Variants in PELI2 observed in about 807,000 individuals in gnomAD.
PELI2 encodes the protein E3 ubiquitin-protein ligase pellino homolog 2.
PELI2 carries 23 observed loss-of-function variants against 42.3 expected under a neutral mutation model. The ratio of observed to expected loss-of-function variants is 0.54; its 90% confidence interval spans 0.39 to 0.77. The LOEUF (loss-of-function observed/expected upper bound fraction) is 0.77. PELI2 is among the 30% of genes least tolerant of loss of function. PELI2 has a pLI of 0.00. For synonymous variants in PELI2, 245 were observed against 212.2 expected, an observed-to-expected ratio of 1.15 and a Z score of -1.34; for missense variants, 463 against 553.2, an observed-to-expected ratio of 0.84 and a Z score of 1.64.
At chr14:56,261,052 A>G (rs1412084081) in intron 2 of PELI2, among the ~76,000 whole-genome samples, 1 of 149,828 alleles carries the variant, frequency 6.7e-6, no homozygotes, top group Non-Finnish European at 1.5e-5. Context: ...TTTTTTTCTT[A>G]AATGTTCTGG....
rs80080930 is a variant in PELI2, at chr14:56,217,205, G to A, written c.207+38741G>A. On this transcript the variant is annotated intron_variant, in intron 2 of 5. Transcript: ENST00000267460. Reference sequence around the variant, plus strand: ...CTCCCCTTTTCATAGAGGAGGAAACGGAAACTGAGGCCAAGGTAGGGTAAG... The same window carrying A: ...CTCCCCTTTTCATAGAGGAGGAAACAGAAACTGAGGCCAAGGTAGGGTAAG... Among the ~76,000 whole-genome samples the A allele has an allele frequency of 3.9e-3, 598 of 152,266 alleles. 4 individuals are homozygous for A. Among genetic ancestry groups the A allele is most frequent in the African/African-American group, 0.014 (562 of 41,548 alleles).
intron 2 of PELI2, among the ~76,000 whole-genome samples, chr14:56,276,944 T>C (rs893706143): frequency 1.3e-5 from 2 of 152,234 alleles, no homozygotes; most frequent in Non-Finnish European, 2.9e-5. Context: ...TCCCCTTTGC[T>C]GTGGGCAGTT....
chr14:56,245,893 C>A (rs1215578719), intron 2 of PELI2, among the ~76,000 whole-genome samples: 2 of 152,104 alleles, frequency 1.3e-5, no homozygotes, highest in South Asian at 4.1e-4. Flanking sequence ...TGTATTAATA[C>A]ATATATTATA....
intron 1 of PELI2, among the ~76,000 whole-genome samples, chr14:56,166,828 C>T (rs558271292): frequency 1.2e-4 from 19 of 152,082 alleles, no homozygotes; most frequent in Middle Eastern, 3.4e-3. Flanking sequence ...CGCTCTGTCT[C>T]CCAGGATGGA....
At position 56,197,916 on chromosome 14, in the gene PELI2, GACACACACAC is replaced by G. The variant is rs55861626; in HGVS notation, c.207+19475_207+19484del. On this transcript the variant is annotated intron_variant, in intron 2 of 5. Coordinates refer to ENST00000267460, the MANE Select transcript of PELI2 (RefSeq NM_021255.3). The surrounding 1 kb of genome is among the most constrained non-coding windows in gnomAD (Gnocchi z 4.9). ...CACACCAGGAATGGTGACTGGTGAA[GACACACACAC>G]ACACACACACACACACACACACCAG... 7.1e-4 allele frequency among the ~76,000 whole-genome samples: 98 copies of G among 138,254 alleles called. No individual in the cohort carries two copies. Among genetic ancestry groups the G allele is most frequent in the East Asian group, 5.7e-3 (26 of 4,564 alleles). The allele number at this position is 138,254 out of a possible 152,430, so 90.7% of individuals were successfully genotyped here.
chr14:56,151,168 A>G (rs1337841555), intron 1 of PELI2, among the ~76,000 whole-genome samples: 7 of 152,188 alleles, frequency 4.6e-5, no homozygotes, highest in Non-Finnish European at 8.8e-5. Context: ...TCTTTGCAGC[A>G]TCTTTGGTGA....
intron 1 of PELI2, among the ~76,000 whole-genome samples, chr14:56,170,190 G>T (rs1210727588): frequency 6.6e-6 from 1 of 152,206 alleles, no homozygotes; most frequent in Non-Finnish European, 1.5e-5. Flanking sequence ...GGAGTCTTCA[G>T]CCTGTAATGA....
chr14:56,271,478 G>C (rs562455225), intron 2 of PELI2, among the ~76,000 whole-genome samples: 3 of 152,082 alleles, frequency 2.0e-5, no homozygotes, highest in Non-Finnish European at 4.4e-5. Context: ...ATTTCGTTTG[G>C]CCCTTTCTGT....
intron 1 of PELI2, among the ~76,000 whole-genome samples, chr14:56,146,559 A>G (rs1478209801): frequency 1.3e-5 from 2 of 152,126 alleles, no homozygotes; most frequent in African/African-American, 4.8e-5. Context: ...GATGAGAAGG[A>G]TTTTGCCAGG....
intron 2 of PELI2, among the ~76,000 whole-genome samples, chr14:56,252,480 G>T (rs952539791): frequency 6.6e-6 from 1 of 152,200 alleles, no homozygotes; most frequent in Non-Finnish European, 1.5e-5. Flanking sequence ...ATTGTAAGAT[G>T]AGTGTTGGTG....
chr14:56,266,085 TA>T (rs1449005667), intron 2 of PELI2, among the ~76,000 whole-genome samples: 5 of 152,000 alleles, frequency 3.3e-5, no homozygotes, highest in Non-Finnish European at 7.4e-5. Context: ...AAACAAACTA[TA>T]CCTTTTTATA....
chr14:56,287,637 G>C (rs1889688360), intron 3 of PELI2, among the ~76,000 whole-genome samples: 1 of 152,080 alleles, frequency 6.6e-6, no homozygotes, highest in Admixed American at 6.5e-5. Context: ...CATTTCATTA[G>C]GGCAAGAAAT....
chr14:56,297,225 A>G lies in PELI2; in HGVS notation c.*59A>G. The G allele has an allele frequency of 8.2e-7, 1 of 1,212,156 alleles. No homozygotes were observed. The highest frequency in any genetic ancestry group is 1.2e-6 in the Non-Finnish European group (1 of 864,620). The allele number at this position is 1,212,156 out of a possible 1,614,324, so 75.1% of individuals were successfully genotyped here. A position where few individuals can be genotyped will look rare whatever the true frequency, so the allele number is the denominator to read the frequency against. On this transcript the variant is annotated 3_prime_UTR_variant, in exon 6 of 6. Transcript: ENST00000267460. ...GGTTACTGTGAAGATTTTGCCACTA[A>G]CTCTAGATTTTACCTTTTTGTAATG... is the stretch of plus-strand genomic sequence containing the variant.
chr14:56,175,090 G>A, intron 1 of PELI2, among the ~76,000 whole-genome samples: 1 of 152,064 alleles, frequency 6.6e-6, no homozygotes, highest in Non-Finnish European at 1.5e-5. Flanking sequence ...CCACTTTCCT[G>A]GCTCAAGTGA....
chr14:56,270,937 A>C (rs1444601100), intron 2 of PELI2, among the ~76,000 whole-genome samples: 1 of 152,178 alleles, frequency 6.6e-6, no homozygotes, highest in East Asian at 1.9e-4. Context: ...GTACATGTAA[A>C]GTTTGAGCTC....
intron 2 of PELI2, among the ~76,000 whole-genome samples, chr14:56,214,563 G>A (rs1191210513): frequency 6.6e-6 from 1 of 152,110 alleles, no homozygotes; most frequent in Non-Finnish European, 1.5e-5. Flanking sequence ...CTCTTAGTAG[G>A]AAGAGGGCAC....
chr14:56,258,457 CTGTTACAA>C (rs1325585879), intron 2 of PELI2, among the ~76,000 whole-genome samples: 3 of 152,056 alleles, frequency 2.0e-5, no homozygotes, highest in Non-Finnish European at 4.4e-5. Flanking sequence ...GTTAAAATAG[CTGTTACAA>C]ATATATTCTC....
chr14:56,228,322 G>A (rs1887434772), intron 2 of PELI2, among the ~76,000 whole-genome samples: 1 of 152,142 alleles, frequency 6.6e-6, no homozygotes, highest in Admixed American at 6.5e-5. Flanking sequence ...GCCACTCTGG[G>A]AACCTATATG....
At chr14:56,248,890 G>C (rs1243497644) in intron 2 of PELI2, among the ~76,000 whole-genome samples, 1 of 152,228 alleles carries the variant, frequency 6.6e-6, no homozygotes, top group Admixed American at 6.5e-5. Flanking sequence ...GCCACTTGTA[G>C]AGGATATCAT....
Sources: allele counts gnomAD v4.1 joint callset (sites outside exome capture counted in the v4.1 genomes callset), GRCh38; gene constraint gnomAD v4.1.1; non-coding constraint Gnocchi (gnomAD v3.1); transcripts MANE v1.5; gene names NCBI Gene and HGNC (gene_info 2026-07-23, HGNC 2026-07-21).